The following TTLL11 variants were observed in gnomAD, a reference collection of about 807,000 sequenced individuals.
TTLL11 encodes tubulin polyglutamylase TTLL11.
In TTLL11, 42 loss-of-function variants were observed where a neutral mutation model predicts 51.7. The ratio of observed to expected loss-of-function variants is 0.81; its 90% CI spans 0.64 to 1.05. The LOEUF (loss-of-function observed/expected upper bound fraction) is 1.05, where lower values mean the gene tolerates loss of function less well. TTLL11 is among the 50% of genes least tolerant of loss of function. The pLI is 0.00. For missense variants in TTLL11, 799 were observed against 940.4 expected, an observed-to-expected ratio of 0.85 and a Z score of 1.97; for synonymous variants, 381 against 383.5, an observed-to-expected ratio of 0.99 and a Z score of 0.08.
intron 8 of TTLL11, among the ~76,000 whole-genome samples, chr9:121,830,922 C>A (rs1836983966): frequency 6.6e-6 from 1 of 152,148 alleles, no homozygotes. Context: ...GGTAGGGGCA[C>A]ATGTGAGAAC....
At chr9:122,049,941 T>C (rs1845113171) in intron 1 of TTLL11, among the ~76,000 whole-genome samples, 1 of 152,058 alleles carries the variant, frequency 6.6e-6, no homozygotes, top group African/African-American at 2.4e-5. Flanking sequence ...AATGCATCTG[T>C]AGGGGGGAAA....
chr9:121,897,640 A>ACACACACACACACACACACATG lies in TTLL11; in HGVS notation c.1482-26893_1482-26892insCATGTGTGTGTGTGTGTGTGTG, dbSNP rs111331446. Among the ~76,000 whole-genome samples, 21 of 139,390 alleles carry ACACACACACACACACACACATG rather than the reference A, an allele frequency of 1.5e-4. 1 individual carries two copies. The highest frequency in any genetic ancestry group is 5.0e-4 in the African/African-American group (19 of 37,672). The allele number at this position is 139,390 out of a possible 152,430, so 91.4% of individuals were successfully genotyped here. A position where few individuals can be genotyped will look rare whatever the true frequency, so the allele number is the denominator to read the frequency against. On this transcript the variant is annotated intron_variant, in intron 6 of 8. Transcript: ENST00000321582. ...CAGGCACACACACACACACACACAC[A>ACACACACACACACACACACATG]CGCGCGCGCGAAGTCTCCAACTGCC...
At chr9:121,833,582 G>A (rs554094524) in intron 8 of TTLL11, among the ~76,000 whole-genome samples, 2 of 151,972 alleles carry the variant, frequency 1.3e-5, no homozygotes, top group East Asian at 1.9e-4. Context: ...ACATGTTTAC[G>A]CGTATTCTTC....
intron 3 of TTLL11, among the ~76,000 whole-genome samples, chr9:122,014,126 A>G (rs1843896247): frequency 6.6e-6 from 1 of 152,116 alleles, no homozygotes; most frequent in South Asian, 2.1e-4. Context: ...GTACTTTGGG[A>G]GGCAGAGGTG....
intron 8 of TTLL11, among the ~76,000 whole-genome samples, chr9:121,830,790 G>C (rs760855961): frequency 2.4e-4 from 37 of 152,308 alleles, no homozygotes; most frequent in African/African-American, 5.1e-4. Flanking sequence ...GTTCCAGAAG[G>C]CCAGGCCACA....
chr9:122,041,872 C>T (rs1844853213), intron 1 of TTLL11, among the ~76,000 whole-genome samples: 1 of 151,504 alleles, frequency 6.6e-6, no homozygotes, highest in African/African-American at 2.4e-5. Context: ...AGATGCAATG[C>T]AGTCTCTATC....
At chr9:121,893,285 A>G (rs1329058456) in intron 6 of TTLL11, among the ~76,000 whole-genome samples, 1 of 151,896 alleles carries the variant, frequency 6.6e-6, no homozygotes, top group Non-Finnish European at 1.5e-5. Flanking sequence ...CATTGTTAAC[A>G]TGTTGGTGTT....
In TTLL11 at chr9:122,089,397, G is replaced by A. The variant is rs566367203; in HGVS notation, c.462+3290C>T. Among the ~76,000 whole-genome samples, 58 of 152,282 alleles carry A rather than the reference G, an allele frequency of 3.8e-4. 1 individual carries two copies. The South Asian group carries it at 0.011, about 30-fold the overall frequency. On this transcript the variant is annotated intron_variant, in intron 1 of 8. Transcript: ENST00000321582. ...ATCCAATATCACCTCATAACAGATG[G>A]GGAAAGGCAGGCATAAGAAAGGTCA...
chr9:122,021,555 C>T (rs1844180236), intron 3 of TTLL11, among the ~76,000 whole-genome samples: 1 of 152,176 alleles, frequency 6.6e-6, no homozygotes, highest in Admixed American at 6.5e-5. Context: ...AAACATGATT[C>T]ATGGAGCACT....
intron 2 of TTLL11, among the ~76,000 whole-genome samples, chr9:122,038,571 C>A (rs557874056): frequency 6.6e-6 from 1 of 152,268 alleles, no homozygotes; most frequent in East Asian, 1.9e-4. Flanking sequence ...ATTGCTTGAA[C>A]CTGGGAGGCA....
In TTLL11 at chr9:122,093,308, C is replaced by A. The variant is rs892258203; in HGVS notation, c.-160G>T. ...TCAGGCTCGGGTTGACAGCGGCAGT[C>A]ACCGCATCGAGACGGGGTCCGGGAA... On this transcript the variant is annotated 5_prime_UTR_variant, in exon 1 of 9. Coordinates refer to ENST00000321582, the MANE Select transcript of TTLL11 (RefSeq NM_001139442.2). 1 of 1,576,430 alleles carries A rather than the reference C, an allele frequency of 6.3e-7. No individual in the cohort carries two copies. The highest frequency in any genetic ancestry group is 2.4e-5 in the East Asian group (1 of 41,688).
rs774033752 is a variant in TTLL11 at position 121,989,633 on chromosome 9, C to A, written c.831G>T (p.Arg277Ser). 1.2e-6 allele frequency: 2 copies of A among 1,614,134 alleles called. No homozygotes were observed. Among genetic ancestry groups the A allele is most frequent in the South Asian group, 2.2e-5 (2 of 91,072 alleles). Reference sequence around the variant, plus strand: ...AGATGTACTCCTGGACCACCGCTGGCCTGCTCTGGAGGGTCCCTGCCAGGC... The same window carrying A: ...AGATGTACTCCTGGACCACCGCTGGACTGCTCTGGAGGGTCCCTGCCAGGC... ...DIRLAGTLQS[R>S]PAVVQEYICK... is the part of the protein sequence containing the mutation. The change falls in exon 4 of 9, where the codon AGG becomes AGT. Residue 277 changes from arginine to serine, a missense_variant. Physicochemically the swap from Arg to Ser is moderately radical, Grantham distance 110. This residue lies in a region of TTLL11 where 468 missense variants were observed against 612.8 expected (regional missense o/e 0.76). Coordinates refer to ENST00000321582, the MANE Select transcript of TTLL11 (RefSeq NM_001139442.2). The surrounding 1 kb of genome is among the most constrained non-coding windows in gnomAD (Gnocchi z 4.2).
In TTLL11 at chr9:121,822,216, G is replaced by A. The variant is rs7869045; in HGVS notation, c.*371C>T. On this transcript the variant is annotated 3_prime_UTR_variant, in exon 9 of 9. Transcript: ENST00000321582. This position sits in a 1 kb window ranked among gnomAD's most constrained non-coding sequence, Gnocchi z 5.8. Reference sequence around the variant, plus strand: ...GCCCCGGCAGCAGATCCTAACACTCGGCTTCCTCTCCACAGCTCCGGGCCT... The same window carrying A: ...GCCCCGGCAGCAGATCCTAACACTCAGCTTCCTCTCCACAGCTCCGGGCCT... 0.073 allele frequency: 11,590 copies of A among 158,004 alleles called. 542 individuals are homozygous for A. Among genetic ancestry groups the A allele is most frequent in the African/African-American group, 0.13 (5,608 of 41,656 alleles). The allele number at this position is 158,004 out of a possible 1,614,324, so 9.8% of individuals were successfully genotyped here. A position where few individuals can be genotyped will look rare whatever the true frequency, so the allele number is the denominator to read the frequency against.
intron 6 of TTLL11, among the ~76,000 whole-genome samples, chr9:121,933,059 T>C (rs1287386516): frequency 6.6e-6 from 1 of 152,186 alleles, no homozygotes; most frequent in African/African-American, 2.4e-5. Context: ...GGTTAGTTTT[T>C]CCTCTCTCTT....
At chr9:121,919,077 T>C (rs907071093) in intron 6 of TTLL11, among the ~76,000 whole-genome samples, 7 of 152,224 alleles carry the variant, frequency 4.6e-5, no homozygotes, top group Non-Finnish European at 1.0e-4. Context: ...AGCAGTGCTC[T>C]TATGAATTAT....
Position 121,990,710 on chromosome 9 carries a change from C to T in TTLL11, c.694-940G>A, listed in dbSNP as rs138897213. Among the ~76,000 whole-genome samples, 952 of 152,306 alleles carry T rather than the reference C, an allele frequency of 6.3e-3. 4 individuals carry two copies. Among genetic ancestry groups the T allele is most frequent in the Non-Finnish European group, 0.01 (695 of 68,032 alleles). ...ACAGGAAATGTTTGTTTTATGTTTA[C>T]ATCCCTTCTAAAGTTCATCTGGTAG... On this transcript the variant is annotated intron_variant, in intron 3 of 8. Coordinates refer to ENST00000321582, the MANE Select transcript of TTLL11 (RefSeq NM_001139442.2).
intron 6 of TTLL11, among the ~76,000 whole-genome samples, chr9:121,878,467 G>A (rs574122867): frequency 2.0e-5 from 3 of 152,174 alleles, no homozygotes; most frequent in Non-Finnish European, 4.4e-5. Context: ...ACCCCATGGC[G>A]ACAACAGCAG....
intron 6 of TTLL11, among the ~76,000 whole-genome samples, chr9:121,891,894 C>T (rs1398582325): frequency 6.7e-6 from 1 of 150,320 alleles, no homozygotes; most frequent in Non-Finnish European, 1.5e-5. Context: ...AAATCCTCAC[C>T]ATTATCATCA....
chr9:121,918,496 G>A (rs965818132), intron 6 of TTLL11, among the ~76,000 whole-genome samples: 5 of 152,164 alleles, frequency 3.3e-5, no homozygotes, highest in Admixed American at 6.5e-5. Flanking sequence ...CTGGGTCTAG[G>A]GCAGATGGCA....
Sources: gnomAD v4.1 joint callset for allele counts (sites outside exome capture counted in the v4.1 genomes callset) on GRCh38, gnomAD v4.1.1 for gene constraint, gnomAD v4.1.1 regional missense constraint, Gnocchi (gnomAD v3.1) non-coding constraint, MANE v1.5 for transcripts, NCBI Gene and HGNC (gene_info 2026-07-23, HGNC 2026-07-21) for gene names.